Variants in LMTK3 observed in about 807,000 individuals in gnomAD.
LMTK3 encodes the protein lemur tail kinase 3.
Under a neutral mutation model 116.7 loss-of-function variants are expected in LMTK3, and 27 were observed. That is an observed-to-expected ratio of 0.23 (90% CI 0.17 to 0.32). The LOEUF (loss-of-function observed/expected upper bound fraction) is 0.32. Among genes scored for constraint, LMTK3 ranks in the 10% least tolerant of loss-of-function variants. The pLI is 1.00. For missense variants in LMTK3, 1,764 were observed against 2,068.5 expected (o/e 0.85, Z 2.86); for synonymous variants, 965 against 971.0 (o/e 0.99, Z 0.11).
intron 12 of LMTK3, among the ~76,000 whole-genome samples, chr19:48,493,490 C>G (rs1286096854): frequency 6.9e-6 from 1 of 144,738 alleles, no homozygotes; most frequent in Non-Finnish European, 1.5e-5. Flanking sequence ...TCCCTTCAGG[C>G]CACGCCCCAC....
At position 48,497,493 on chromosome 19, in the gene LMTK3, G is replaced by A. The variant is rs780734998; in HGVS notation, c.3576C>T (p.Ser1192=). ...DSRAGGDTAL[S]GDGDPPKPER... is the part of the protein sequence containing the mutation. ...CGGGCTTGGGGGGGTCCCCGTCTCC[G>A]CTGAGTGCCGTGTCTCCGCCGGCCC... Residue 1192 remains serine, a synonymous_variant, in exon 11 of 15, where the codon AGC becomes AGT. Transcript: ENST00000600059. This position sits in a 1 kb window ranked among gnomAD's most constrained non-coding sequence, Gnocchi z 5.7. 10 of 1,470,536 alleles carry A rather than the reference G, an allele frequency of 6.8e-6. No individual in the cohort carries two copies. Among genetic ancestry groups the A allele is most frequent in the East Asian group, 2.7e-5 (1 of 36,830 alleles). The allele number at this position is 1,470,536 out of a possible 1,614,324, so 91.1% of individuals were successfully genotyped here. A position where few individuals can be genotyped will look rare whatever the true frequency, so the allele number is the denominator to read the frequency against.
rs868395094 is a variant in LMTK3, at chr19:48,497,866, C to T, written c.3203G>A (p.Gly1068Glu). The change falls in exon 11 of 15, where the codon GGG becomes GAG. Residue 1068 changes from glycine to glutamate, a missense_variant. Coordinates refer to ENST00000600059, the MANE Select transcript of LMTK3 (RefSeq NM_001388485.1). This position sits in a 1 kb window ranked among gnomAD's most constrained non-coding sequence, Gnocchi z 5.7. ...PSAVVSSRNGGETAPGPLGPA... is the reference protein window; with the variant it reads ...PSAVVSSRNGEETAPGPLGPA... The stretch of plus-strand genomic sequence containing the variant: ...GCCAAGGGGGCCAGGGGCTGTCTCC[C>T]CGCCGTTCCGGGAGGAGACCACTGC... 1.4e-6 allele frequency: 2 copies of T among 1,443,902 alleles called. No individual in the cohort carries two copies. The highest frequency in any genetic ancestry group is 1.4e-5 in the African/African-American group (1 of 69,776). The allele number at this position is 1,443,902 out of a possible 1,614,324, so 89.4% of individuals were successfully genotyped here.
intron 6 of LMTK3, 37 bp from the exon 7 acceptor site, chr19:48,502,618 G>C: frequency 6.6e-7 from 1 of 1,514,618 alleles, no homozygotes; most frequent in African/African-American, 1.4e-5. Context: ...ACCACCAGCC[G>C]CTCAGGTCTC....
At position 48,493,944 on chromosome 19, in the gene LMTK3, TCGTCCTCCC is replaced by T; in HGVS notation, c.3833_3841del (p.Gly1278_Asp1280del). On this transcript the variant is annotated inframe_deletion, in exon 12 of 15. Coordinates refer to ENST00000600059, the MANE Select transcript of LMTK3 (RefSeq NM_001388485.1). Reference sequence around the variant, plus strand: ...CTCGTCCTCCTCCTCGTCCTCGTCCTCGTCCTCCCCGTCCTCCTCCGCCGGCCCCGGCGC... The same window carrying T: ...CTCGTCCTCCTCCTCGTCCTCGTCCTCGTCCTCCTCCGCCGGCCCCGGCGC... The T allele has an allele frequency of 9.6e-7, 1 of 1,037,696 alleles. No homozygotes were observed. The highest frequency in any genetic ancestry group is 1.7e-5 in the African/African-American group (1 of 57,798). The allele number at this position is 1,037,696 out of a possible 1,614,324, so 64.3% of individuals were successfully genotyped here. A position where few individuals can be genotyped will look rare whatever the true frequency, so the allele number is the denominator to read the frequency against.
chr19:48,497,640 C>T lies in LMTK3; in HGVS notation c.3429G>A (p.Pro1143=), dbSNP rs1449889432. ...GTGGCAGCGGTGGCGGCGGTGGCTGCGGCCTCGTGTTGTCTACCCATCCGG... is the reference window on the plus strand; with the variant it reads ...GTGGCAGCGGTGGCGGCGGTGGCTGTGGCCTCGTGTTGTCTACCCATCCGG... ...AKAGWVDNTR[P]QPPPPPLPPP... The change falls in exon 11 of 15, where the codon CCG becomes CCA. Residue 1143 remains proline (P), a synonymous_variant. Transcript: ENST00000600059. The surrounding 1 kb of genome is among the most constrained non-coding windows in gnomAD (Gnocchi z 5.7). 1.5e-6 allele frequency: 2 copies of T among 1,300,766 alleles called. No homozygotes were observed. The highest frequency in any genetic ancestry group is 1.9e-6 in the Non-Finnish European group (2 of 1,026,038). 80.6% of individuals were successfully genotyped at this position (1,300,766 alleles called of 1,614,324 possible). A position where few individuals can be genotyped will look rare whatever the true frequency, so the allele number is the denominator to read the frequency against.
rs185839211 is a variant in LMTK3, at chr19:48,486,607, A to G, written c.4367-818T>C. Reference sequence around the variant, plus strand: ...GACTGGAGTGCAGTGGCATGATCTCAGCTCACTGCAAACTCTGCCTCCTGG... The same window carrying G: ...GACTGGAGTGCAGTGGCATGATCTCGGCTCACTGCAAACTCTGCCTCCTGG... On this transcript the variant is annotated intron_variant, in intron 14 of 14. Transcript: ENST00000600059. Among the ~76,000 whole-genome samples the G allele has an allele frequency of 2.4e-3, 367 of 150,648 alleles. 3 individuals are homozygous for G. Among genetic ancestry groups the G allele is most frequent in the African/African-American group, 8.5e-3 (348 of 41,040 alleles).
intron 6 of LMTK3, 34 bp downstream of exon 6, chr19:48,502,875 C>G: frequency 6.6e-7 from 1 of 1,516,698 alleles, no homozygotes; most frequent in Non-Finnish European, 9.1e-7. Context: ...CCAGCTGCCC[C>G]CTCTGCCCTT....
chr19:48,498,770 C>A lies in LMTK3; in HGVS notation c.2299G>T (p.Ala767Ser). 1 of 1,322,774 alleles carries A rather than the reference C, an allele frequency of 7.6e-7. No homozygotes were observed. Among genetic ancestry groups the A allele is most frequent in the Non-Finnish European group, 9.9e-7 (1 of 1,009,838 alleles). 81.9% of individuals were successfully genotyped at this position (1,322,774 alleles called of 1,614,324 possible). Residue 767 changes from alanine to serine, a missense_variant, in exon 11 of 15, where the codon GCC becomes TCC. By Grantham distance (99) the Ala-to-Ser change is moderately conservative. Coordinates refer to ENST00000600059, the MANE Select transcript of LMTK3 (RefSeq NM_001388485.1). ...PPPPRAPADP[A>S]ASPDPPSAVA... ...GCCGAAGGGGGGTCGGGGGACGCGG[C>A]CGGGTCCGCGGGGGCCCGAGGAGGT... is the stretch of plus-strand genomic sequence containing the variant.
intron 7 of LMTK3, among the ~76,000 whole-genome samples, chr19:48,502,209 T>G (rs1972483364): frequency 9.4e-6 from 1 of 106,032 alleles, no homozygotes; most frequent in Non-Finnish European, 1.9e-5. Context: ...CTCCTGGCCC[T>G]TCCCCTCATC....
chr19:48,506,327 T>A (rs1414806775), intron 5 of LMTK3, among the ~76,000 whole-genome samples: 2 of 151,676 alleles, frequency 1.3e-5, no homozygotes, highest in Non-Finnish European at 2.9e-5. Context: ...TCTCCTAGGA[T>A]AAGAATTTGG....
At chr19:48,492,831 C>T (rs1481747851) in intron 12 of LMTK3, among the ~76,000 whole-genome samples, 2 of 152,142 alleles carry the variant, frequency 1.3e-5, no homozygotes, top group African/African-American at 4.8e-5. Flanking sequence ...CTCTCCAGAC[C>T]TCTCCTCGCC....
intron 14 of LMTK3, among the ~76,000 whole-genome samples, chr19:48,487,169 A>T (rs373616268): frequency 6.6e-6 from 1 of 151,384 alleles, no homozygotes; most frequent in Non-Finnish European, 1.5e-5. Flanking sequence ...CAAGTAGCTG[A>T]GATTACAGAG....
At chr19:48,486,483 C>G (rs182334041) in intron 14 of LMTK3, among the ~76,000 whole-genome samples, 1 of 152,178 alleles carries the variant, frequency 6.6e-6, no homozygotes, top group African/African-American at 2.4e-5. Flanking sequence ...TCATTTCCCT[C>G]TGACTGGTTT....
Position 48,499,868 on chromosome 19 carries a change from C to A in LMTK3, c.1201G>T (p.Ala401Ser). The A allele has an allele frequency of 6.3e-7, 1 of 1,596,770 alleles. No individual in the cohort carries two copies. Among genetic ancestry groups the A allele is most frequent in the Non-Finnish European group, 8.5e-7 (1 of 1,173,500 alleles). ...CWRPPAQRPSASDLQLQLTYL... is the reference protein window; with the variant it reads ...CWRPPAQRPSSSDLQLQLTYL... ...GTGAGCTGCAATTGGAGATCAGAGG[C>A]TGAAGGGCGCTGGGCAGGTGGCCGC... Residue 401 changes from alanine (A) to serine (S), a missense_variant, in exon 11 of 15, where the codon GCC becomes TCC. Transcript: ENST00000600059.
At chr19:48,513,290 CT>C, upstream of LMTK3, 1 of 860,616 alleles carries the variant, frequency 1.2e-6, no homozygotes, top group Non-Finnish European at 1.9e-6. The surrounding 1 kb of genome is among the most constrained non-coding windows in gnomAD (Gnocchi z 5.6). Context: ...ACAGAATTAC[CT>C]CTCAATCCTC....
chr19:48,498,100 A>G lies in LMTK3; in HGVS notation c.2969T>C (p.Val990Ala). ...CTTTGGGGGTGTCAGGCCCCCATTCACCAGCACCTTCTCCCCGGCCTCTGG... is the reference window on the plus strand; with the variant it reads ...CTTTGGGGGTGTCAGGCCCCCATTCGCCAGCACCTTCTCCCCGGCCTCTGG... ...RSPEAGEKVL[V>A]NGGLTPPKSE... The change falls in exon 11 of 15, where the codon GTG (valine) becomes GCG (alanine). Residue 990 changes from valine (V) to alanine (A), a missense_variant. Val to Ala is a moderately conservative substitution (Grantham distance 64). Coordinates refer to ENST00000600059, the MANE Select transcript of LMTK3 (RefSeq NM_001388485.1). The G allele has an allele frequency of 6.2e-7, 1 of 1,611,812 alleles. No individual in the cohort carries two copies. The highest frequency in any genetic ancestry group is 8.5e-7 in the Non-Finnish European group (1 of 1,179,466).
At chr19:48,501,450 C>T (rs1439244116) in intron 8 of LMTK3, 28 bp downstream of exon 8, 4 of 1,612,346 alleles carry the variant, frequency 2.5e-6, no homozygotes, top group Non-Finnish European at 3.4e-6. Flanking sequence ...CACCCCACAG[C>T]CCCCATCCCG....
chr19:48,497,868 G>A lies in LMTK3; in HGVS notation c.3201C>T (p.Gly1067=). Residue 1067 remains glycine (G), a synonymous_variant, in exon 11 of 15, where the codon GGC becomes GGT. Coordinates refer to ENST00000600059, the MANE Select transcript of LMTK3 (RefSeq NM_001388485.1). This position sits in a 1 kb window ranked among gnomAD's most constrained non-coding sequence, Gnocchi z 5.7. ...CAAGGGGGCCAGGGGCTGTCTCCCCGCCGTTCCGGGAGGAGACCACTGCGC... is the reference window on the plus strand; with the variant it reads ...CAAGGGGGCCAGGGGCTGTCTCCCCACCGTTCCGGGAGGAGACCACTGCGC... ...APSAVVSSRN[G]GETAPGPLGP... 2 of 1,444,590 alleles carry A rather than the reference G, an allele frequency of 1.4e-6. No homozygotes were observed. The highest frequency in any genetic ancestry group is 1.8e-6 in the Non-Finnish European group (2 of 1,102,962). 89.5% of individuals were successfully genotyped at this position (1,444,590 alleles called of 1,614,324 possible).
At chr19:48,504,033 A>G (rs550638976) in intron 5 of LMTK3, among the ~76,000 whole-genome samples, 49 of 152,032 alleles carry the variant, frequency 3.2e-4, no homozygotes, top group South Asian at 3.1e-3. Flanking sequence ...AAGCCTGGCT[A>G]ATTTTTGTAT....
Sources: allele counts gnomAD v4.1 joint callset (sites outside exome capture counted in the v4.1 genomes callset), GRCh38; gene constraint gnomAD v4.1.1; non-coding constraint Gnocchi (gnomAD v3.1); transcripts MANE v1.5; gene names NCBI Gene and HGNC (gene_info 2026-07-23, HGNC 2026-07-21).